MYO3B: variants seen among roughly 807,000 people sequenced by gnomAD.
MYO3B encodes the protein myosin-IIIb.
In MYO3B, 156 loss-of-function variants were observed where a neutral mutation model predicts 174.6. The observed-to-expected ratio is 0.89, with a 90% CI of 0.78 to 1.02. The LOEUF (loss-of-function observed/expected upper bound fraction) is 1.02, where lower values mean the gene tolerates loss of function less well. MYO3B is among the 50% of genes least tolerant of loss of function. The probability of loss-of-function intolerance (pLI) is 0.00; values close to 1 mark genes in which losing one functional copy is unlikely to be tolerated. For synonymous variants in MYO3B, 563 were observed against 569.1 expected (o/e 0.99, Z 0.15); for missense variants, 1,632 against 1,639.4 (o/e 1.00, Z 0.08).
chr2:170,280,147 T>C (rs1038347385), intron 7 of MYO3B, among the ~76,000 whole-genome samples: 1 of 152,226 alleles, frequency 6.6e-6, no homozygotes, highest in Non-Finnish European at 1.5e-5. Context: ...TTTTTAATAA[T>C]AGACATTCTG....
intron 9 of MYO3B, among the ~76,000 whole-genome samples, chr2:170,375,732 C>CAG (rs561134879): frequency 1.2e-3 from 189 of 151,396 alleles, no homozygotes; most frequent in Middle Eastern, 3.4e-3. Flanking sequence ...CACACACACA[C>CAG]ACACACACAC....
chr2:170,646,332 T>G (rs1273226042), intron 32 of MYO3B, among the ~76,000 whole-genome samples: 1 of 152,126 alleles, frequency 6.6e-6, no homozygotes, highest in Non-Finnish European at 1.5e-5. Context: ...TTTTTTCTTT[T>G]GGTTTACTTC....
chr2:170,320,940 A>C (rs2093821352), intron 7 of MYO3B, among the ~76,000 whole-genome samples: 1 of 152,226 alleles, frequency 6.6e-6, no homozygotes, highest in Non-Finnish European at 1.5e-5. Context: ...CTGTATAACC[A>C]AGCTGGGTGC....
At chr2:170,202,457 A>C (rs951388418) in intron 3 of MYO3B, among the ~76,000 whole-genome samples, 4 of 152,126 alleles carry the variant, frequency 2.6e-5, no homozygotes, top group African/African-American at 9.7e-5. Context: ...GACTCCTAAT[A>C]CTGGCAGAAG....
In MYO3B at chr2:170,401,566, C is replaced by G; in HGVS notation, c.2004C>G (p.Ile668Met). The G allele has an allele frequency of 6.2e-7, 1 of 1,614,206 alleles. No individual in the cohort carries two copies. The highest frequency in any genetic ancestry group is 8.5e-7 in the Non-Finnish European group (1 of 1,180,028). The change falls in exon 18 of 35, where the codon ATC becomes ATG. Residue 668 changes from isoleucine (I) to methionine (M), a missense_variant. By Grantham distance (10) the Ile-to-Met change is conservative. Coordinates refer to ENST00000408978, the MANE Select transcript of MYO3B (RefSeq NM_138995.5). ...HCVVTRGETIIRANTVDRAAD... is the reference protein window; with the variant it reads ...HCVVTRGETIMRANTVDRAAD... ...TGGTCACCCGGGGCGAGACCATCAT[C>G]CGTGCCAACACTGTAGACAGGGCTG...
chr2:170,445,135 C>T (rs907610496), intron 23 of MYO3B, among the ~76,000 whole-genome samples: 2 of 151,978 alleles, frequency 1.3e-5, no homozygotes, highest in African/African-American at 4.8e-5. Flanking sequence ...TTAAAAGACA[C>T]CCTATTTAAT....
At chr2:170,635,520 A>T (rs1196133069) in intron 32 of MYO3B, among the ~76,000 whole-genome samples, 1 of 152,124 alleles carries the variant, frequency 6.6e-6, no homozygotes, top group Non-Finnish European at 1.5e-5. Context: ...TGTAAATGAC[A>T]AGTTAATGGG....
At chr2:170,363,823 T>C (rs1241273120) in intron 8 of MYO3B, among the ~76,000 whole-genome samples, 1 of 152,216 alleles carries the variant, frequency 6.6e-6, no homozygotes, top group Non-Finnish European at 1.5e-5. Flanking sequence ...TATCTCATGG[T>C]ATAAATAAAT....
intron 28 of MYO3B, among the ~76,000 whole-genome samples, chr2:170,514,395 A>G (rs887510334): frequency 5.3e-5 from 8 of 152,362 alleles, no homozygotes; most frequent in South Asian, 2.1e-4. Context: ...CCCTGACAGC[A>G]TAATAAAAAT....
At chr2:170,255,647 A>G (rs1165133552) in intron 7 of MYO3B, among the ~76,000 whole-genome samples, 1 of 152,156 alleles carries the variant, frequency 6.6e-6, no homozygotes, top group African/African-American at 2.4e-5. Context: ...AAAAACCCAG[A>G]ACCCCATTCA....
At chr2:170,583,708 G>A (rs1693309419) in intron 32 of MYO3B, among the ~76,000 whole-genome samples, 2 of 152,096 alleles carry the variant, frequency 1.3e-5, no homozygotes, top group Non-Finnish European at 2.9e-5. Context: ...ATCTTTTTAA[G>A]TAGGCTAGTA....
At chr2:170,511,707 CTG>C (rs1262940103) in intron 28 of MYO3B, among the ~76,000 whole-genome samples, 2 of 152,218 alleles carry the variant, frequency 1.3e-5, no homozygotes, top group Non-Finnish European at 2.9e-5. Flanking sequence ...AACATCCTGT[CTG>C]TGCAGAACAG....
At chr2:170,586,186 T>G (rs1026667802) in intron 32 of MYO3B, among the ~76,000 whole-genome samples, 5 of 152,216 alleles carry the variant, frequency 3.3e-5, no homozygotes, top group African/African-American at 1.2e-4. Flanking sequence ...GTAAACACTA[T>G]ATTATAATCC....
chr2:170,652,128 G>C lies in MYO3B; in HGVS notation c.3861G>C (p.Gly1287=). ...NQLNGTLEYQ[G]SKRKPRKLGQ... ...CACAGGGAACTCTAGAATATCAAGG[G>C]AGCAAGAGGAAGCCAAGAAAACTTG... Residue 1287 remains glycine (G), a synonymous_variant, in exon 34 of 35, where the codon GGG becomes GGC. Transcript: ENST00000408978. The C allele has an allele frequency of 6.2e-7, 1 of 1,614,068 alleles. No homozygotes were observed. Among genetic ancestry groups the C allele is most frequent in the South Asian group, 1.1e-5 (1 of 91,072 alleles).
intron 32 of MYO3B, chr2:170,602,249 C>T (rs551193229): frequency 9.7e-5 from 85 of 876,336 alleles, no homozygotes; most frequent in East Asian, 2.4e-4. Context: ...TTTTCCTCAG[C>T]GAGGCACACA....
intron 32 of MYO3B, among the ~76,000 whole-genome samples, chr2:170,584,897 A>G (rs752636937): frequency 2.0e-5 from 3 of 152,234 alleles, no homozygotes; most frequent in Non-Finnish European, 4.4e-5. Context: ...GAAATCTGGG[A>G]TGCTTTTAAG....
At chr2:170,461,512 A>G (rs1446778373) in intron 23 of MYO3B, among the ~76,000 whole-genome samples, 2 of 150,472 alleles carry the variant, frequency 1.3e-5, no homozygotes, top group Admixed American at 6.6e-5. Context: ...ACGGTGGCTC[A>G]AGTCTGTAAT....
At chr2:170,518,813 C>G (rs892666350) in intron 29 of MYO3B, among the ~76,000 whole-genome samples, 4 of 152,150 alleles carry the variant, frequency 2.6e-5, no homozygotes, top group Admixed American at 2.6e-4. Context: ...TTGACAACCA[C>G]TGATGTGAAG....
At chr2:170,338,596 T>C (rs997572753) in intron 8 of MYO3B, among the ~76,000 whole-genome samples, 6 of 152,244 alleles carry the variant, frequency 3.9e-5, no homozygotes, top group Non-Finnish European at 5.9e-5. Context: ...AATAATATAC[T>C]TTCTTTTTTT....
Sources: gnomAD v4.1 joint callset for allele counts (sites outside exome capture counted in the v4.1 genomes callset) on GRCh38, gnomAD v4.1.1 for gene constraint, MANE v1.5 for transcripts, NCBI Gene and HGNC (gene_info 2026-07-23, HGNC 2026-07-21) for gene names.